Variants in PXDN observed in about 807,000 individuals in gnomAD.
The protein encoded by PXDN is peroxidasin homolog.
Under a neutral mutation model 140.3 loss-of-function variants are expected in PXDN, and 77 were observed. That is an observed-to-expected ratio of 0.55 (90% confidence interval 0.46 to 0.66). The LOEUF (loss-of-function observed/expected upper bound fraction) is 0.66. Ranked by LOEUF, PXDN falls within the 30% of genes least tolerant of loss-of-function variation. PXDN has a pLI of 0.00. For synonymous variants in PXDN, 911 were observed against 857.4 expected (o/e 1.06, Z -1.09); for missense variants, 1,838 against 2,039.5 (o/e 0.90, Z 1.90).
chr2:1,730,014 A>G (rs1685276319), intron 1 of PXDN, among the ~76,000 whole-genome samples: 1 of 152,122 alleles, frequency 6.6e-6, no homozygotes, highest in Admixed American at 6.5e-5. Context: ...TCATGACCCA[A>G]TTTTTGAAAA....
At chr2:1,665,687 T>A (rs1162552705) in intron 10 of PXDN, among the ~76,000 whole-genome samples, 1 of 152,254 alleles carries the variant, frequency 6.6e-6, no homozygotes, top group East Asian at 1.9e-4. Flanking sequence ...TCTCTAATAA[T>A]TTATCTTTTG....
At chr2:1,653,493 G>A in intron 16 of PXDN, 135 bp downstream of exon 16, 4 of 1,287,386 alleles carry the variant, frequency 3.1e-6, no homozygotes, top group South Asian at 2.6e-5. Context: ...ACAGTTTAAG[G>A]AAATAATTTC....
At chr2:1,664,902 G>C in intron 11 of PXDN, 56 bp downstream of exon 11, 1 of 1,407,562 alleles carries the variant, frequency 7.1e-7, no homozygotes, top group South Asian at 1.2e-5. Context: ...GGAAATGTGT[G>C]CTTCCTGCGT....
At position 1,644,735 on chromosome 2, in the gene PXDN, A is replaced by G; in HGVS notation, c.3626T>C (p.Leu1209Pro). The G allele has an allele frequency of 6.4e-7, 1 of 1,564,178 alleles. No individual in the cohort carries two copies. The highest frequency in any genetic ancestry group is 8.7e-7 in the Non-Finnish European group (1 of 1,148,992). ...GAGCGCCGGAAACAGGTCGATGTTG[A>G]GTGTCGAGCCATACAACCTAAAAAA... ...EKLKRLYGST[L>P]NIDLFPALVV... is the part of the protein sequence containing the mutation. The change falls in exon 18 of 23, where the codon CTC (leucine) becomes CCC (proline). Residue 1209 changes from leucine (L) to proline (P), a missense_variant. Physicochemically the swap from Leu to Pro is moderately conservative, Grantham distance 98 (BLOSUM62 -3). This residue lies in a region of PXDN where 850 missense variants were observed against 894.1 expected (regional missense o/e 0.95). Coordinates refer to ENST00000252804, the MANE Select transcript of PXDN (RefSeq NM_012293.3).
At chr2:1,729,065 C>G (rs73182725) in intron 1 of PXDN, among the ~76,000 whole-genome samples, 7,936 of 152,158 alleles carry the variant, frequency 0.052, 649 homozygotes, top group African/African-American at 0.18. Flanking sequence ...GTAAGAACAG[C>G]TGACTGTGAG....
rs749397182 is a variant in PXDN, at chr2:1,648,947, C to T, written c.2833G>A (p.Gly945Arg). ...GTGGCGAAGGGGAGCAGCGGCTTCC[C>T]GGACCGCTGCACGATGCCCTGCCGC... is the stretch of plus-strand genomic sequence containing the variant. ...LLRQGIVQRSGKPLLPFATGP... is the reference protein window; with the variant it reads ...LLRQGIVQRSRKPLLPFATGP... The change falls in exon 17 of 23, where the codon GGG becomes AGG. Residue 945 changes from glycine (G) to arginine (R), a missense_variant. Transcript: ENST00000252804. The surrounding 1 kb of genome is among the most constrained non-coding windows in gnomAD (Gnocchi z 8.9). 1.2e-6 allele frequency: 2 copies of T among 1,603,630 alleles called. No individual in the cohort carries two copies. The highest frequency in any genetic ancestry group is 8.5e-7 in the Non-Finnish European group (1 of 1,175,448).
chr2:1,674,922 GAGC>G (rs1012122319), intron 8 of PXDN, among the ~76,000 whole-genome samples: 2 of 152,160 alleles, frequency 1.3e-5, no homozygotes, highest in Non-Finnish European at 2.9e-5. Flanking sequence ...CATGCAGGAG[GAGC>G]AGCACCAGCA....
chr2:1,737,537 T>A (rs1558533592), intron 1 of PXDN, among the ~76,000 whole-genome samples: 1 of 91,348 alleles, frequency 1.1e-5, no homozygotes, highest in Non-Finnish European at 2.2e-5. Context: ...ACATAATGCC[T>A]ATTCTTTTCT....
At chr2:1,730,033 T>A (rs998364806) in intron 1 of PXDN, among the ~76,000 whole-genome samples, 1 of 152,186 alleles carries the variant, frequency 6.6e-6, no homozygotes, top group Non-Finnish European at 1.5e-5. Flanking sequence ...AATAGATACA[T>A]GACAGATAAA....
At chr2:1,675,516 G>A (rs1414929791) in intron 8 of PXDN, among the ~76,000 whole-genome samples, 7 of 152,170 alleles carry the variant, frequency 4.6e-5, no homozygotes, top group Non-Finnish European at 4.4e-5. Context: ...GCTGTGAAGA[G>A]AGTGACTGCA....
intron 19 of PXDN, 70 bp downstream of exon 19, chr2:1,643,298 T>G (rs1421360521): frequency 2.7e-6 from 4 of 1,468,286 alleles, no homozygotes; most frequent in Middle Eastern, 2.1e-4. Context: ...TGCAGGTCAT[T>G]AAGCACCCGC....
chr2:1,731,205 G>C (rs1387597534), intron 1 of PXDN, among the ~76,000 whole-genome samples: 1 of 151,420 alleles, frequency 6.6e-6, no homozygotes, highest in Non-Finnish European at 1.5e-5. Flanking sequence ...GAAGTTTTAA[G>C]AGAGCGAGCA....
At chr2:1,703,245 GGGGGC>G in intron 1 of PXDN, among the ~76,000 whole-genome samples, 2 of 12,948 alleles carry the variant, frequency 1.5e-4, no homozygotes, top group Admixed American at 6.1e-4. Context: ...CTGGTGAAGG[GGGGGC>G]AACTCCAGGT....
chr2:1,648,990 G>A lies in PXDN; in HGVS notation c.2790C>T (p.Ala930=), dbSNP rs767814859. 6.2e-7 allele frequency: 1 copy of A among 1,611,232 alleles called. No individual in the cohort carries two copies. The highest frequency in any genetic ancestry group is 1.1e-5 in the South Asian group (1 of 91,014). Residue 930 remains alanine (A), a synonymous_variant, in exon 17 of 23, where the codon GCC becomes GCT. Transcript: ENST00000252804. The surrounding 1 kb of genome is among the most constrained non-coding windows in gnomAD (Gnocchi z 8.9). The stretch of plus-strand genomic sequence containing the variant: ...CCTGCCGCAGCAGGCCGCGGTGGCT[G>A]GCCAGGTCGCGGATGCTGCGGGCCT... ...EHEARSIRDL[A]SHRGLLRQGI...
chr2:1,689,294 T>C (rs1460629027), intron 3 of PXDN, among the ~76,000 whole-genome samples: 1 of 152,206 alleles, frequency 6.6e-6, no homozygotes, highest in Admixed American at 6.5e-5. Context: ...AGAAGGCAAG[T>C]TTAAATGTAA....
At position 1,706,769 on chromosome 2, in the gene PXDN, C is replaced by T. The variant is rs62116627; in HGVS notation, c.201-13635G>A. ...CACCTGCCCCACTAATAATACAATCCGAGAGCACACTTCAGTGATCACCAA... is the reference window on the plus strand; with the variant it reads ...CACCTGCCCCACTAATAATACAATCTGAGAGCACACTTCAGTGATCACCAA... On this transcript the variant is annotated intron_variant, in intron 1 of 22. Coordinates refer to ENST00000252804, the MANE Select transcript of PXDN (RefSeq NM_012293.3). Among the ~76,000 whole-genome samples, 1,844 of 33,904 alleles carry T rather than the reference C, an allele frequency of 0.054. 555 individuals are homozygous for T. The East Asian group carries it at 0.56, about 10-fold the overall frequency. The allele number at this position is 33,904 out of a possible 152,430, so 22.2% of individuals were successfully genotyped here. A position where few individuals can be genotyped will look rare whatever the true frequency, so the allele number is the denominator to read the frequency against.
chr2:1,680,083 ATGTG>A (rs200869196), intron 7 of PXDN, 106 bp downstream of exon 7: 67 of 1,278,974 alleles, frequency 5.2e-5, no homozygotes, highest in Non-Finnish European at 6.6e-5. Context: ...GTGTGTGTAA[ATGTG>A]TGTGTGTGGT....
chr2:1,667,069 C>T (rs1469807661), intron 9 of PXDN, among the ~76,000 whole-genome samples: 3 of 151,980 alleles, frequency 2.0e-5, no homozygotes, highest in African/African-American at 4.8e-5. Flanking sequence ...GGGACGTGGC[C>T]GTGCATACTG....
chr2:1,640,526 A>G (rs897079645), intron 19 of PXDN, among the ~76,000 whole-genome samples: 1 of 152,214 alleles, frequency 6.6e-6, no homozygotes, highest in African/African-American at 2.4e-5. Flanking sequence ...CTGCCCCCAC[A>G]GCGGAGCCCA....
Sources: allele counts gnomAD v4.1 joint callset (sites outside exome capture counted in the v4.1 genomes callset), GRCh38; gene constraint gnomAD v4.1.1; regional missense constraint gnomAD v4.1.1; non-coding constraint Gnocchi (gnomAD v3.1); transcripts MANE v1.5; gene names NCBI Gene and HGNC (gene_info 2026-07-23, HGNC 2026-07-21).